SLC25A16: variants seen among roughly 807,000 people sequenced by gnomAD.
SLC25A16 encodes the protein solute carrier family 25 member 16.
SLC25A16 carries 39 observed loss-of-function variants against 41.5 expected under a neutral mutation model. That is an observed-to-expected ratio of 0.94 (90% CI 0.73 to 1.23). SLC25A16 has a LOEUF of 1.23. Ranked by LOEUF, SLC25A16 falls within the 50% of genes most tolerant of loss-of-function variation. The pLI, the probability that SLC25A16 is intolerant of heterozygous loss-of-function variation, is 0.00. For missense variants in SLC25A16, 421 were observed against 426.9 expected (o/e 0.99, Z 0.12); for synonymous variants, 146 against 147.8 (o/e 0.99, Z 0.09).
intron 1 of SLC25A16, among the ~76,000 whole-genome samples, chr10:68,521,626 C>T (rs1258414541): frequency 1.5e-5 from 2 of 132,982 alleles, no homozygotes; most frequent in African/African-American, 2.8e-5. Context: ...CGGAGTCTCG[C>T]TCTGTCGCCC....
chr10:68,497,621 A>ATTTT lies in SLC25A16; in HGVS notation c.422-4055_422-4052dup, dbSNP rs565594457. Among the ~76,000 whole-genome samples the ATTTT allele has an allele frequency of 3.7e-3, 524 of 139,938 alleles. 6 individuals carry two copies. Among genetic ancestry groups the ATTTT allele is most frequent in the African/African-American group, 0.014 (509 of 37,644 alleles). The allele number at this position is 139,938 out of a possible 152,430, so 91.8% of individuals were successfully genotyped here. On this transcript the variant is annotated intron_variant, in intron 4 of 8. Coordinates refer to ENST00000609923, the MANE Select transcript of SLC25A16 (RefSeq NM_152707.4). The stretch of plus-strand genomic sequence containing the variant: ...TTCTAACATCTTTTTTTTTTTTTTA[A>ATTTT]TTTTTTTTTTTCCAAGATGGAGTCT...
In SLC25A16 at chr10:68,486,414, GT is replaced by G. The variant is rs554650377; in HGVS notation, c.842+729del. ...CTAGCCTAAATTTAATATTTTCTTT[GT>G]TTTTTTTAGTTTGTTTTTGTTTTTT... On this transcript the variant is annotated intron_variant, in intron 8 of 8. Coordinates refer to ENST00000609923, the MANE Select transcript of SLC25A16 (RefSeq NM_152707.4). Among the ~76,000 whole-genome samples, 555 of 150,892 alleles carry G rather than the reference GT, an allele frequency of 3.7e-3. 7 individuals are homozygous for G. Among genetic ancestry groups the G allele is most frequent in the African/African-American group, 0.013 (533 of 41,170 alleles).
chr10:68,517,523 G>C (rs1231416876), intron 1 of SLC25A16: 1 of 152,078 alleles, frequency 6.6e-6, no homozygotes, highest in African/African-American at 2.4e-5. Context: ...AAAATGGGTT[G>C]CTCCTTTTAT....
chr10:68,504,200 A>G (rs968553372), intron 3 of SLC25A16, among the ~76,000 whole-genome samples: 34 of 151,430 alleles, frequency 2.2e-4, no homozygotes, highest in African/African-American at 8.2e-4. Flanking sequence ...ATTTTTTAGT[A>G]GAGACGGGGT....
chr10:68,498,569 G>A (rs999280070), intron 4 of SLC25A16, among the ~76,000 whole-genome samples: 1 of 152,088 alleles, frequency 6.6e-6, no homozygotes, highest in African/African-American at 2.4e-5. Context: ...GATGGCATGT[G>A]CCTGCAGTCC....
chr10:68,515,754 C>T (rs2053151814), intron 2 of SLC25A16, among the ~76,000 whole-genome samples: 3 of 152,094 alleles, frequency 2.0e-5, no homozygotes, highest in South Asian at 4.2e-4. Context: ...GCCGAGGTCG[C>T]GCCATTGCAC....
intron 7 of SLC25A16, among the ~76,000 whole-genome samples, chr10:68,487,649 A>T (rs901532999): frequency 1.3e-5 from 2 of 152,222 alleles, no homozygotes; most frequent in Admixed American, 1.3e-4. Flanking sequence ...AGATGCCAGT[A>T]GCACTCTCCC....
intron 2 of SLC25A16, among the ~76,000 whole-genome samples, chr10:68,512,421 A>G (rs886959590): frequency 5.1e-5 from 7 of 137,928 alleles, no homozygotes; most frequent in Non-Finnish European, 7.8e-5. Context: ...GCGGATCACG[A>G]GGTCAGGAGA....
intron 6 of SLC25A16, among the ~76,000 whole-genome samples, chr10:68,489,717 A>G (rs1044893411): frequency 9.9e-5 from 15 of 152,070 alleles, no homozygotes; most frequent in African/African-American, 3.4e-4. Context: ...CCTGGCCAAC[A>G]TGGTGAAACC....
chr10:68,483,775 G>C (rs1180838075), intron 8 of SLC25A16, among the ~76,000 whole-genome samples, 187 bp from the exon 9 acceptor site: 1 of 152,098 alleles, frequency 6.6e-6, no homozygotes, highest in East Asian at 1.9e-4. Flanking sequence ...TGATTCTCCT[G>C]CTTCAGTCTC....
intron 4 of SLC25A16, chr10:68,496,727 C>A: frequency 1.1e-6 from 1 of 914,912 alleles, no homozygotes; most frequent in Non-Finnish European, 1.3e-6. Context: ...CATATTTTAA[C>A]CAGCAATTAC....
chr10:68,518,421 GAAAA>G (rs571647182), intron 1 of SLC25A16, among the ~76,000 whole-genome samples: 94 of 148,602 alleles, frequency 6.3e-4, no homozygotes, highest in African/African-American at 2.2e-3. Flanking sequence ...CTTAAAAAAA[GAAAA>G]AAAAAGAAAA....
intron 8 of SLC25A16, among the ~76,000 whole-genome samples, chr10:68,485,574 C>G (rs1181987316): frequency 6.6e-6 from 1 of 151,130 alleles, no homozygotes; most frequent in South Asian, 2.1e-4. Flanking sequence ...TTAGTAGAGA[C>G]AGGTTTCACC....
intron 4 of SLC25A16, among the ~76,000 whole-genome samples, chr10:68,494,703 C>T (rs1317020085): frequency 2.2e-5 from 3 of 138,428 alleles, no homozygotes; most frequent in Non-Finnish European, 3.3e-5. Flanking sequence ...ATGGTGAAAC[C>T]CCATCTCTAC....
chr10:68,491,626 T>G (rs949486104), intron 6 of SLC25A16, among the ~76,000 whole-genome samples: 7 of 152,148 alleles, frequency 4.6e-5, no homozygotes, highest in Non-Finnish European at 8.8e-5. Context: ...CACTAGGCCC[T>G]AACAGACCAG....
intron 4 of SLC25A16, chr10:68,496,405 A>G: frequency 2.3e-6 from 2 of 860,992 alleles, no homozygotes; most frequent in South Asian, 5.3e-5. Flanking sequence ...CCCTCGATGT[A>G]CAAATAAGGC....
rs1459225465 is a variant in SLC25A16 at position 68,478,704 on chromosome 10, T to A, written c.*4728A>T. 2 of 150,068 alleles carry A rather than the reference T, an allele frequency of 1.3e-5. No individual in the cohort carries two copies. Among genetic ancestry groups the A allele is most frequent in the East Asian group, 1.9e-4 (1 of 5,138 alleles). The allele number at this position is 150,068 out of a possible 1,614,324, so 9.3% of individuals were successfully genotyped here. ...ATAAAAACTATTTATAAGTTTTATT[T>A]TATATATATATATGATATGTATACA... On this transcript the variant is annotated 3_prime_UTR_variant, in exon 9 of 9. Coordinates refer to ENST00000609923, the MANE Select transcript of SLC25A16 (RefSeq NM_152707.4).
intron 2 of SLC25A16, among the ~76,000 whole-genome samples, chr10:68,510,171 A>C (rs546006022): frequency 3.3e-5 from 5 of 152,186 alleles, no homozygotes; most frequent in Admixed American, 3.3e-4. Flanking sequence ...AAAAAGTCGG[A>C]GTAGAAGTAA....
Position 68,483,327 on chromosome 10 carries a change from G to A in SLC25A16, c.*105C>T. ...GTACTAAAATACCAGTGGCTCTTGTGACAGGGTAAATATCCCCATTCAAGT... is the reference window on the plus strand; with the variant it reads ...GTACTAAAATACCAGTGGCTCTTGTAACAGGGTAAATATCCCCATTCAAGT... On this transcript the variant is annotated 3_prime_UTR_variant, in exon 9 of 9. Transcript: ENST00000609923. The A allele has an allele frequency of 1.4e-6, 1 of 722,056 alleles. No homozygotes were observed. Among genetic ancestry groups the A allele is most frequent in the Non-Finnish European group, 2.2e-6 (1 of 453,744 alleles). The allele number at this position is 722,056 out of a possible 1,614,324, so 44.7% of individuals were successfully genotyped here.
Sources: gnomAD v4.1 joint callset for allele counts (sites outside exome capture counted in the v4.1 genomes callset) on GRCh38, gnomAD v4.1.1 for gene constraint, MANE v1.5 for transcripts, NCBI Gene and HGNC (gene_info 2026-07-23, HGNC 2026-07-21) for gene names.